PPP2R1B: variants seen among roughly 807,000 people sequenced by gnomAD.
PPP2R1B encodes serine/threonine-protein phosphatase 2A 65 kDa regulatory subunit A beta isoform.
PPP2R1B carries 58 observed loss-of-function variants against 72.7 expected under a neutral mutation model. That is an observed-to-expected ratio of 0.80 (90% CI 0.65 to 0.99). The LOEUF (loss-of-function observed/expected upper bound fraction) is 0.99, where lower values mean the gene tolerates loss of function less well. Ranked by LOEUF, PPP2R1B falls within the 50% of genes least tolerant of loss-of-function variation. PPP2R1B has a pLI of 0.00. For missense variants in PPP2R1B, 695 were observed against 733.6 expected, an observed-to-expected ratio of 0.95 and a Z score of 0.61; for synonymous variants, 256 against 264.6, an observed-to-expected ratio of 0.97 and a Z score of 0.32.
the PPP2R1B span, among the ~76,000 whole-genome samples, chr11:111,702,363 T>A: frequency 2.4e-3 from 359 of 152,248 alleles, 5 homozygotes; most frequent in Non-Finnish European, 8.1e-4. Flanking sequence ...GGCGGGAGGA[T>A]CTCTTAAGGC....
chr11:111,723,846 G>A (rs755280325), downstream of PPP2R1B: 74 of 1,201,380 alleles, frequency 6.2e-5, no homozygotes, highest in Middle Eastern at 2.2e-4. Flanking sequence ...CCACCACCAC[G>A]ACAGCCAGGA....
intron 5 of PPP2R1B, among the ~76,000 whole-genome samples, chr11:111,756,360 T>G (rs1377257510): frequency 6.6e-6 from 1 of 151,028 alleles, no homozygotes; most frequent in Non-Finnish European, 1.5e-5. Context: ...ATAAAGGAAA[T>G]GAAAATTTTA....
At chr11:111,746,171 T>TA (rs1322189676) in intron 11 of PPP2R1B, among the ~76,000 whole-genome samples, 3 of 151,896 alleles carry the variant, frequency 2.0e-5, no homozygotes, top group Non-Finnish European at 2.9e-5. Context: ...AACACCATCT[T>TA]AATCTAAAAT....
chr11:111,703,066 A>C, the PPP2R1B span: 1 of 694,450 alleles, frequency 1.4e-6, no homozygotes, highest in Non-Finnish European at 2.4e-6. Flanking sequence ...GCATGTGTTC[A>C]TTTATTCATT....
chr11:111,719,943 G>A, the PPP2R1B span: 19 of 1,614,000 alleles, frequency 1.2e-5, no homozygotes, highest in African/African-American at 1.3e-5. Flanking sequence ...CACACGCAGC[G>A]GGCAGAGACG....
At chr11:111,697,309 A>G in the PPP2R1B span, among the ~76,000 whole-genome samples, 1 of 152,238 alleles carries the variant, frequency 6.6e-6, no homozygotes, top group Non-Finnish European at 1.5e-5. Context: ...GGAACAACAT[A>G]TTCATCTAGC....
intron 9 of PPP2R1B, among the ~76,000 whole-genome samples, chr11:111,752,665 A>C (rs1453259488): frequency 6.6e-6 from 1 of 152,222 alleles, no homozygotes; most frequent in African/African-American, 2.4e-5. Context: ...TCTATGCCTC[A>C]GCTTTCTCAT....
chr11:111,720,573 G>A, the PPP2R1B span: 1 of 1,614,140 alleles, frequency 6.2e-7, no homozygotes, highest in Non-Finnish European at 8.5e-7. Flanking sequence ...CTTTCTGGAA[G>A]ACAACCCTTC....
chr11:111,703,241 C>T, the PPP2R1B span: 1 of 1,614,056 alleles, frequency 6.2e-7, no homozygotes. Flanking sequence ...GGTCCTAGAC[C>T]CATCCAAACG....
chr11:111,736,968 T>C (rs1729869703), downstream of PPP2R1B, among the ~76,000 whole-genome samples: 1 of 152,210 alleles, frequency 6.6e-6, no homozygotes, highest in Admixed American at 6.5e-5. Flanking sequence ...TTTCACACCA[T>C]TTCCACACAG....
intron 5 of PPP2R1B, among the ~76,000 whole-genome samples, chr11:111,755,659 C>G (rs1306187285): frequency 6.6e-6 from 1 of 151,186 alleles, no homozygotes; most frequent in Non-Finnish European, 1.5e-5. Flanking sequence ...GCACAATCTC[C>G]GCTCATTCCA....
At chr11:111,727,075 TGTTAGCC>T in intron 15 of PPP2R1B, 4 of 1,607,938 alleles carry the variant, frequency 2.5e-6, no homozygotes, top group Non-Finnish European at 3.4e-6. Flanking sequence ...GCAAACAGCA[TGTTAGCC>T]CGACAGGAAG....
chr11:111,700,071 A>G, the PPP2R1B span, among the ~76,000 whole-genome samples: 3 of 152,238 alleles, frequency 2.0e-5, no homozygotes, highest in Non-Finnish European at 2.9e-5. Context: ...ATATGAGACT[A>G]TAAAGGCTTA....
chr11:111,722,655 G>A, downstream of PPP2R1B: 1 of 1,612,494 alleles, frequency 6.2e-7, no homozygotes, highest in Non-Finnish European at 8.5e-7. This position sits in a 1 kb window ranked among gnomAD's most constrained non-coding sequence, Gnocchi z 4.4. Flanking sequence ...TTGTTTTTCT[G>A]CTCTTCCAGA....
At chr11:111,719,786 T>G in the PPP2R1B span, 1 of 1,613,390 alleles carries the variant, frequency 6.2e-7, no homozygotes, top group Non-Finnish European at 8.5e-7. Context: ...TCAATGGCTG[T>G]CTGCTTGACC....
chr11:111,766,303 T>TCATCTC lies in PPP2R1B; in HGVS notation c.53_58dup (p.Gly18_Asp19dup), dbSNP rs1945539354. On this transcript the variant is annotated inframe_insertion, in exon 1 of 15. Coordinates refer to ENST00000527614, the MANE Select transcript of PPP2R1B (RefSeq NM_002716.5). ...TAAAACCGCGATCGGGTATAGCGAATCATCTCCATCTCCACCCGCTGCTCC... is the reference window on the plus strand; with the variant it reads ...TAAAACCGCGATCGGGTATAGCGAATCATCTCCATCTCCATCTCCACCCGCTGCTCC... 9 of 1,577,764 alleles carry TCATCTC rather than the reference T, an allele frequency of 5.7e-6. No homozygotes were observed. The highest frequency in any genetic ancestry group is 7.7e-6 in the Non-Finnish European group (9 of 1,164,856).
chr11:111,733,180 C>T (rs920066439), downstream of PPP2R1B, among the ~76,000 whole-genome samples: 4 of 152,210 alleles, frequency 2.6e-5, no homozygotes, highest in South Asian at 6.2e-4. Context: ...TTCCAGCAAG[C>T]CTTCCTGCTG....
chr11:111,693,643 GAATT>G, the PPP2R1B span, among the ~76,000 whole-genome samples: 7 of 152,172 alleles, frequency 4.6e-5, no homozygotes, highest in Non-Finnish European at 2.9e-5. Context: ...AAAAATCTAT[GAATT>G]AATCACACGT....
At chr11:111,748,842 A>C (rs1398398606) in intron 10 of PPP2R1B, among the ~76,000 whole-genome samples, 1 of 152,200 alleles carries the variant, frequency 6.6e-6, no homozygotes, top group African/African-American at 2.4e-5. Context: ...TGATTGAATA[A>C]GACAAAATAG....
Sources: allele counts gnomAD v4.1 joint callset (sites outside exome capture counted in the v4.1 genomes callset), GRCh38; gene constraint gnomAD v4.1.1; non-coding constraint Gnocchi (gnomAD v3.1); transcripts MANE v1.5; gene names NCBI Gene and HGNC (gene_info 2026-07-23, HGNC 2026-07-21).